The following PHF20 variants were observed in gnomAD, a reference collection of about 807,000 sequenced individuals.
The protein encoded by PHF20 is PHD finger protein 20.
A neutral mutation model predicts 113.5 loss-of-function variants in PHF20; 23 were observed. That is an observed-to-expected ratio of 0.20 (90% confidence interval 0.15 to 0.29). The LOEUF is 0.29. PHF20 is among the 10% of genes least tolerant of loss of function. PHF20 has a pLI of 1.00. For missense variants in PHF20, 943 were observed against 1,219.6 expected, an observed-to-expected ratio of 0.77 and a Z score of 3.38; for synonymous variants, 434 against 457.3, an observed-to-expected ratio of 0.95 and a Z score of 0.65.
At chr20:35,886,103 C>A (rs939364909) in intron 9 of PHF20, among the ~76,000 whole-genome samples, 5 of 150,718 alleles carry the variant, frequency 3.3e-5, no homozygotes, top group Non-Finnish European at 7.4e-5. Context: ...ATTTTAATGC[C>A]AAAAAATTAT....
At chr20:35,860,585 C>T (rs184085288) in intron 5 of PHF20, among the ~76,000 whole-genome samples, 1 of 152,120 alleles carries the variant, frequency 6.6e-6, no homozygotes, top group African/African-American at 2.4e-5. Context: ...GTGGTAACCT[C>T]AAGAATGTTT....
intron 7 of PHF20, 29 bp downstream of exon 7, chr20:35,869,580 T>A: frequency 8.1e-7 from 1 of 1,229,420 alleles, no homozygotes; most frequent in Non-Finnish European, 1.2e-6. Context: ...TATGTGTGGC[T>A]AGAATTTGAC....
chr20:35,934,443 C>T lies in PHF20; in HGVS notation c.2300+2999C>T, dbSNP rs182340651. Among the ~76,000 whole-genome samples the T allele has an allele frequency of 2.2e-3, 332 of 152,332 alleles. 8 individuals carry two copies. The highest frequency in any genetic ancestry group is 0.021 in the Admixed American group (324 of 15,298). On this transcript the variant is annotated intron_variant, in intron 15 of 17. Coordinates refer to ENST00000374012, the MANE Select transcript of PHF20 (RefSeq NM_016436.5). ...GGAGACCTTTCTCCAGGATTCCATC[C>T]GTTGGGTTGGGAACTTTGTTTCCTT...
intron 2 of PHF20, among the ~76,000 whole-genome samples, chr20:35,827,643 G>C (rs1437794128): frequency 6.6e-6 from 1 of 152,012 alleles, no homozygotes; most frequent in African/African-American, 2.4e-5. Context: ...AATTGGCTGG[G>C]CGTGGTGGCG....
chr20:35,808,910 G>A (rs1401652179), intron 2 of PHF20, among the ~76,000 whole-genome samples: 1 of 151,322 alleles, frequency 6.6e-6, no homozygotes, highest in Non-Finnish European at 1.5e-5. Context: ...TTATGGAAAA[G>A]AGGAAAACGT....
chr20:35,932,171 G>A (rs1352122537), intron 15 of PHF20, among the ~76,000 whole-genome samples: 3 of 149,900 alleles, frequency 2.0e-5, no homozygotes, highest in Non-Finnish European at 1.5e-5. Context: ...GGGTTCAAGC[G>A]ATTCTCCCAC....
chr20:35,895,681 CTTTTTT>C (rs762279629), intron 9 of PHF20, among the ~76,000 whole-genome samples: 2 of 116,802 alleles, frequency 1.7e-5, no homozygotes, highest in South Asian at 2.9e-4. Flanking sequence ...TTTGCTTCTC[CTTTTTT>C]TTTTTTTTTT....
chr20:35,798,702 C>T (rs1309048420), intron 1 of PHF20, among the ~76,000 whole-genome samples: 1 of 152,094 alleles, frequency 6.6e-6, no homozygotes, highest in Non-Finnish European at 1.5e-5. Flanking sequence ...GATCCGGCAG[C>T]CTCGGCCTCC....
chr20:35,924,192 C>CTTTTTTTTTTT (rs767943006), intron 13 of PHF20, among the ~76,000 whole-genome samples: 6 of 129,900 alleles, frequency 4.6e-5, no homozygotes, highest in Non-Finnish European at 6.6e-5. Context: ...CTTTTCTTTT[C>CTTTTTTTTTTT]TTTTTTTTTT....
At chr20:35,857,583 T>G (rs945263557) in intron 4 of PHF20, among the ~76,000 whole-genome samples, 46 of 145,396 alleles carry the variant, frequency 3.2e-4, no homozygotes, top group Admixed American at 2.7e-3. Context: ...TTTTTTTTTT[T>G]TTTGTTTTTT....
At chr20:35,877,086 G>A (rs1162501303) in intron 9 of PHF20, among the ~76,000 whole-genome samples, 1 of 123,030 alleles carries the variant, frequency 8.1e-6, no homozygotes. Context: ...CAGCCTGGGC[G>A]ACAGAGTGAG....
At chr20:35,915,691 A>G (rs2055391719) in intron 12 of PHF20, among the ~76,000 whole-genome samples, 1 of 152,086 alleles carries the variant, frequency 6.6e-6, no homozygotes, top group African/African-American at 2.4e-5. Flanking sequence ...GGACTGTTAC[A>G]TTTCTTAAAA....
In PHF20 at chr20:35,914,196, G is replaced by A. The variant is rs1337406788; in HGVS notation, c.1824G>A (p.Leu608=). 1.2e-6 allele frequency: 2 copies of A among 1,613,978 alleles called. No homozygotes were observed. Among genetic ancestry groups the A allele is most frequent in the African/African-American group, 1.3e-5 (1 of 75,010 alleles). The change falls in exon 12 of 18, where the codon TTG becomes TTA. Residue 608 remains leucine (L), a splice_region_variant and synonymous_variant. Transcript: ENST00000374012. ...ACCACAAAGGGAAAGTGAAAGCATTGGGTAAGGAGGCTCTTCTGTCCTGAT... is the reference window on the plus strand; with the variant it reads ...ACCACAAAGGGAAAGTGAAAGCATTAGGTAAGGAGGCTCTTCTGTCCTGAT... The part of the protein sequence containing the change: ...SGHHKGKVKA[L]EEDNLSESSS...
intron 10 of PHF20, among the ~76,000 whole-genome samples, chr20:35,912,371 A>C (rs1338276043): frequency 6.6e-6 from 1 of 152,212 alleles, no homozygotes; most frequent in Non-Finnish European, 1.5e-5. Flanking sequence ...AATTAGGAAA[A>C]ACTGTGAAGG....
At chr20:35,854,635 G>C (rs2042796137) in intron 4 of PHF20, among the ~76,000 whole-genome samples, 1 of 152,116 alleles carries the variant, frequency 6.6e-6, no homozygotes, top group South Asian at 2.1e-4. Context: ...GTAGTCCTTT[G>C]GAAGTTAAAA....
At chr20:35,828,326 A>G (rs768807644) in intron 2 of PHF20, among the ~76,000 whole-genome samples, 17 of 152,114 alleles carry the variant, frequency 1.1e-4, no homozygotes, top group Non-Finnish European at 2.2e-4. Context: ...GCCCAGCCTC[A>G]TTAATTACTA....
At chr20:35,834,203 C>T (rs557941491) in intron 2 of PHF20, among the ~76,000 whole-genome samples, 29 of 150,894 alleles carry the variant, frequency 1.9e-4, no homozygotes, top group African/African-American at 5.6e-4. Context: ...TCTGTCTAGT[C>T]CTGGTTATGG....
intron 3 of PHF20, among the ~76,000 whole-genome samples, chr20:35,844,259 C>T (rs1479573826): frequency 1.8e-4 from 28 of 151,940 alleles, no homozygotes; most frequent in Non-Finnish European, 8.8e-5. Flanking sequence ...CGTGCCACCA[C>T]ACCTGGCTAA....
rs567508418 is a variant in PHF20 at position 35,881,122 on chromosome 20, A to T, written c.1282+9293A>T. ...ACCCAGGCTGGAGTGTAGTGGTGCG[A>T]TTTCTGCTCACTGCAACCTTCGCCT... On this transcript the variant is annotated intron_variant, in intron 9 of 17. Coordinates refer to ENST00000374012, the MANE Select transcript of PHF20 (RefSeq NM_016436.5). Among the ~76,000 whole-genome samples the T allele has an allele frequency of 5.8e-5, 7 of 120,882 alleles. 1 individual carries two copies. The highest frequency in any genetic ancestry group is 2.3e-4 in the African/African-American group (7 of 30,268). 79.3% of individuals were successfully genotyped at this position (120,882 alleles called of 152,430 possible).
Sources: gnomAD v4.1 joint callset for allele counts (sites outside exome capture counted in the v4.1 genomes callset) on GRCh38, gnomAD v4.1.1 for gene constraint, MANE v1.5 for transcripts, NCBI Gene and HGNC (gene_info 2026-07-23, HGNC 2026-07-21) for gene names.